The following ERBB4 variants were observed in gnomAD, a reference collection of about 807,000 sequenced individuals.
ERBB4 encodes the protein erb-b2 receptor tyrosine kinase 4.
ERBB4 carries 42 observed loss-of-function variants against 158.0 expected under a neutral mutation model. The ratio of observed to expected loss-of-function variants is 0.27; its 90% CI spans 0.21 to 0.34. The LOEUF is 0.34. ERBB4 is among the 10% of genes least tolerant of loss of function. The probability of loss-of-function intolerance (pLI) is 1.00; values close to 1 mark genes in which losing one functional copy is unlikely to be tolerated. For synonymous variants in ERBB4, 583 were observed against 558.7 expected (o/e 1.04, Z -0.61); for missense variants, 1,333 against 1,624.1 (o/e 0.82, Z 3.08).
rs577547981 is a variant in ERBB4, at chr2:211,947,764, C to G, written c.235-148G>C. On this transcript the variant is annotated intron_variant, in intron 2 of 27. Coordinates refer to ENST00000342788, the MANE Select transcript of ERBB4 (RefSeq NM_005235.3). ...TCCATATCATATTCTAAAGAATTGG[C>G]TTCATAATAAAAGATCACAAAGGGT... 55 of 688,866 alleles carry G rather than the reference C, an allele frequency of 8.0e-5. No individual in the cohort carries two copies. The African/African-American group carries it at 9.9e-4, about 12-fold the overall frequency. 42.7% of individuals were successfully genotyped at this position (688,866 alleles called of 1,614,324 possible). A position where few individuals can be genotyped will look rare whatever the true frequency, so the allele number is the denominator to read the frequency against.
intron 2 of ERBB4, among the ~76,000 whole-genome samples, chr2:211,956,756 G>C (rs560218548): frequency 6.6e-6 from 1 of 151,940 alleles, no homozygotes; most frequent in Admixed American, 6.6e-5. Flanking sequence ...GTACTACATA[G>C]CTCATAAAGA....
At chr2:212,536,457 G>A (rs1410945545) in intron 1 of ERBB4, among the ~76,000 whole-genome samples, 3 of 152,222 alleles carry the variant, frequency 2.0e-5, no homozygotes, top group Admixed American at 2.0e-4. Context: ...TTTGTGTTTT[G>A]AACAAGTGAG....
chr2:212,060,202 G>A (rs2077716067), intron 2 of ERBB4, among the ~76,000 whole-genome samples: 1 of 152,008 alleles, frequency 6.6e-6, no homozygotes, highest in Non-Finnish European at 1.5e-5. Flanking sequence ...ACAGACACAT[G>A]AAAAAAATGC....
chr2:211,997,227 A>T (rs2082221212), intron 2 of ERBB4, among the ~76,000 whole-genome samples: 1 of 152,122 alleles, frequency 6.6e-6, no homozygotes, highest in South Asian at 2.1e-4. Context: ...TTCCTTTTCA[A>T]ACCTTCCAGA....
chr2:211,420,692 A>C lies in ERBB4; in HGVS notation c.2965-81T>G. The C allele has an allele frequency of 2.5e-6, 3 of 1,217,608 alleles. 1 individual carries two copies. The highest frequency in any genetic ancestry group is 2.5e-5 in the South Asian group (2 of 80,870). 75.4% of individuals were successfully genotyped at this position (1,217,608 alleles called of 1,614,324 possible). On this transcript the variant is annotated intron_variant, in intron 24 of 27. Transcript: ENST00000342788. ...GTGGTCTCTGCAATAAATTTATGTA[A>C]TATCATAACAAATGGTTGAAAAATT...
intron 2 of ERBB4, among the ~76,000 whole-genome samples, chr2:211,978,142 A>G (rs2081670851): frequency 6.6e-6 from 1 of 151,890 alleles, no homozygotes; most frequent in African/African-American, 2.4e-5. Context: ...ACCAGAATAC[A>G]TAAATTTCCC....
chr2:211,794,978 C>T (rs745764968), intron 3 of ERBB4, among the ~76,000 whole-genome samples: 24 of 151,808 alleles, frequency 1.6e-4, no homozygotes, highest in Non-Finnish European at 3.2e-4. Context: ...ATTTATGGTG[C>T]TCTACAGAAA....
At chr2:211,848,206 C>G (rs528573681) in intron 3 of ERBB4, among the ~76,000 whole-genome samples, 7 of 152,000 alleles carry the variant, frequency 4.6e-5, no homozygotes, top group Non-Finnish European at 8.8e-5. Context: ...AGAAACACAG[C>G]CCCTAGCTAA....
chr2:212,487,744 C>T (rs1690052955), intron 1 of ERBB4, among the ~76,000 whole-genome samples: 1 of 151,928 alleles, frequency 6.6e-6, no homozygotes, highest in African/African-American at 2.4e-5. Context: ...AAGAGGAGCA[C>T]CAAAAAGTGC....
At chr2:211,624,603 C>G (rs1031812364) in intron 17 of ERBB4, among the ~76,000 whole-genome samples, 4 of 152,118 alleles carry the variant, frequency 2.6e-5, no homozygotes, top group Non-Finnish European at 4.4e-5. Context: ...TTTGAAGTAC[C>G]AAGGCCCAAG....
At chr2:212,471,913 G>A (rs1230005181) in intron 1 of ERBB4, among the ~76,000 whole-genome samples, 5 of 151,804 alleles carry the variant, frequency 3.3e-5, no homozygotes, top group African/African-American at 9.7e-5. Context: ...AACACCTGTT[G>A]TTTGTCACCT....
At position 212,007,745 on chromosome 2, in the gene ERBB4, A is replaced by C. The variant is rs559642449; in HGVS notation, c.235-60129T>G. 5.4e-4 allele frequency among the ~76,000 whole-genome samples: 82 copies of C among 152,088 alleles called. 1 individual carries two copies. Among genetic ancestry groups the C allele is most frequent in the Admixed American group, 1.3e-3 (20 of 15,272 alleles). On this transcript the variant is annotated intron_variant, in intron 2 of 27. Transcript: ENST00000342788. ...TATACTCACATCTGTGATATTTTGA[A>C]GTTACCTGAGAAGAATATTAATGAG...
intron 1 of ERBB4, among the ~76,000 whole-genome samples, chr2:212,209,147 A>C (rs1395170046): frequency 6.6e-6 from 1 of 152,158 alleles, no homozygotes; most frequent in African/African-American, 2.4e-5. Flanking sequence ...CTTTCTATGG[A>C]AATAAAATTA....
At chr2:212,279,997 T>C (rs769873407) in intron 1 of ERBB4, among the ~76,000 whole-genome samples, 5 of 151,672 alleles carry the variant, frequency 3.3e-5, no homozygotes, top group Non-Finnish European at 7.4e-5. Flanking sequence ...AAACAACATC[T>C]AGAATAATTT....
At chr2:212,084,920 CT>C (rs1367971540) in intron 2 of ERBB4, among the ~76,000 whole-genome samples, 1 of 151,944 alleles carries the variant, frequency 6.6e-6, no homozygotes, top group Non-Finnish European at 1.5e-5. Flanking sequence ...TTGAACACTA[CT>C]TCCCCATTGA....
intron 2 of ERBB4, among the ~76,000 whole-genome samples, chr2:212,062,399 CTTTTTTTTTTTTTTTTTT>C (rs199535512): frequency 7.1e-4 from 58 of 81,350 alleles, no homozygotes; most frequent in African/African-American, 2.2e-3. Flanking sequence ...CTTGTCAATT[CTTTTTTTTTTTTTTTTTT>C]TTTTTTTTTT....
rs1200934078 is a variant in ERBB4, at chr2:211,861,084, T to C, written c.422-72925A>G. Reference sequence around the variant, plus strand: ...ATAAATATAATATATTTATATATTATAAAATATATAAATACATTATATATA... The same window carrying C: ...ATAAATATAATATATTTATATATTACAAAATATATAAATACATTATATATA... On this transcript the variant is annotated intron_variant, in intron 3 of 27. Transcript: ENST00000342788. 2.6e-4 allele frequency among the ~76,000 whole-genome samples: 11 copies of C among 42,520 alleles called. 1 individual carries two copies. In the East Asian group the frequency reaches 4.1e-3, roughly 16 times the overall value. The allele number at this position is 42,520 out of a possible 152,430, so 27.9% of individuals were successfully genotyped here.
intron 1 of ERBB4, among the ~76,000 whole-genome samples, chr2:212,521,388 T>A (rs6435707): frequency 6.6e-6 from 1 of 151,546 alleles, no homozygotes; most frequent in African/African-American, 2.4e-5. Context: ...TACTTAAAGT[T>A]CTCATGACAG....
chr2:211,952,936 G>A (rs1018878186), intron 2 of ERBB4, among the ~76,000 whole-genome samples: 4 of 151,616 alleles, frequency 2.6e-5, no homozygotes, highest in East Asian at 1.9e-4. Context: ...TCTCTGTTAT[G>A]TAACCTTTGG....
Sources: allele counts gnomAD v4.1 joint callset (sites outside exome capture counted in the v4.1 genomes callset), GRCh38; gene constraint gnomAD v4.1.1; transcripts MANE v1.5; gene names NCBI Gene and HGNC (gene_info 2026-07-23, HGNC 2026-07-21).